The following FSTL1 variants were observed in gnomAD, a reference collection of about 807,000 sequenced individuals.
The protein encoded by FSTL1 is follistatin-related protein 1.
Under a neutral mutation model 45.9 loss-of-function variants are expected in FSTL1, and 24 were observed. The ratio of observed to expected loss-of-function variants is 0.52; its 90% CI spans 0.38 to 0.74. FSTL1 has a LOEUF of 0.74. FSTL1 is among the 30% of genes least tolerant of loss of function. FSTL1 has a pLI of 0.00. For synonymous variants in FSTL1, 120 were observed against 137.6 expected (o/e 0.87, Z 0.89); for missense variants, 340 against 381.8 (o/e 0.89, Z 0.91).
intron 10 of FSTL1, among the ~76,000 whole-genome samples, chr3:120,397,993 A>G (rs1936736515): frequency 6.6e-6 from 1 of 152,214 alleles, no homozygotes; most frequent in Admixed American, 6.5e-5. Flanking sequence ...TAAGTCAAAG[A>G]CAGAAAAGGC....
At chr3:120,446,830 G>C (rs1937753524) in intron 2 of FSTL1, among the ~76,000 whole-genome samples, 1 of 152,154 alleles carries the variant, frequency 6.6e-6, no homozygotes. Flanking sequence ...TGCATGTCTA[G>C]AGCTAAGTGA....
At chr3:120,446,254 ACTTT>A (rs1293086274) in intron 2 of FSTL1, among the ~76,000 whole-genome samples, 2 of 152,106 alleles carry the variant, frequency 1.3e-5, no homozygotes, top group Non-Finnish European at 2.9e-5. Context: ...GACTTCAAAG[ACTTT>A]CTTTTCGTCT....
chr3:120,443,102 A>AT lies in FSTL1; in HGVS notation c.63+7581dup, dbSNP rs1937660357. On this transcript the variant is annotated intron_variant, in intron 2 of 10. Transcript: ENST00000295633. ...AAAACTTAAAGTATAATAATAATAA[A>AT]TTAAAAAAAAAAGTTCCACACAAAA... Among the ~76,000 whole-genome samples the AT allele has an allele frequency of 2.7e-5, 4 of 148,494 alleles. No homozygotes were observed. In the South Asian group the frequency reaches 8.5e-4, roughly 31 times the overall value.
chr3:120,425,548 G>C (rs57919947), intron 2 of FSTL1, among the ~76,000 whole-genome samples: 10,530 of 152,028 alleles, frequency 0.069, 421 homozygotes, highest in East Asian at 0.17. Context: ...GACCTCTCTG[G>C]GCCTCAGTTT....
chr3:120,441,896 G>C (rs1412110442), intron 2 of FSTL1, among the ~76,000 whole-genome samples: 1 of 152,242 alleles, frequency 6.6e-6, no homozygotes, highest in Non-Finnish European at 1.5e-5. Context: ...GTTTTCCCAA[G>C]ATCACATGGC....
chr3:120,397,665 A>G (rs1936729506), intron 10 of FSTL1, among the ~76,000 whole-genome samples: 1 of 152,212 alleles, frequency 6.6e-6, no homozygotes, highest in Admixed American at 6.5e-5. Context: ...GAAGATGTAC[A>G]GTGGTGCAGT....
intron 2 of FSTL1, among the ~76,000 whole-genome samples, chr3:120,440,860 A>C (rs1436560416): frequency 2.0e-5 from 3 of 152,212 alleles, no homozygotes; most frequent in Non-Finnish European, 4.4e-5. Context: ...AGGAAAATAG[A>C]GGAGAAAGAT....
At chr3:120,447,794 G>C (rs541294158) in intron 2 of FSTL1, among the ~76,000 whole-genome samples, 3 of 152,278 alleles carry the variant, frequency 2.0e-5, no homozygotes, top group African/African-American at 7.2e-5. Context: ...GACCAGAGGC[G>C]TGTGTGCTAC....
chr3:120,424,190 AC>A (rs1937334675), intron 2 of FSTL1: 1 of 152,550 alleles, frequency 6.6e-6, no homozygotes, highest in Non-Finnish European at 1.5e-5. Context: ...TCATTCCAGC[AC>A]TTTGGGAGGC....
intron 2 of FSTL1, among the ~76,000 whole-genome samples, chr3:120,438,775 C>A (rs1461076992): frequency 6.6e-6 from 1 of 152,118 alleles, no homozygotes; most frequent in African/African-American, 2.4e-5. Context: ...AGTTATTCAT[C>A]CCAGCCCATC....
rs1936965972 is a variant in FSTL1, at chr3:120,407,320, A to G, written c.462+2212T>C. ...CTGTGGTGCCAGGGTAAAGGAGATAAGAAGGCTGGCTCAAGTGTCAGCCCT... is the reference window on the plus strand; with the variant it reads ...CTGTGGTGCCAGGGTAAAGGAGATAGGAAGGCTGGCTCAAGTGTCAGCCCT... On this transcript the variant is annotated intron_variant, in intron 6 of 10. Transcript: ENST00000295633. 3.3e-5 allele frequency among the ~76,000 whole-genome samples: 5 copies of G among 152,222 alleles called. No homozygotes were observed. The South Asian group carries it at 1.0e-3, about 32-fold the overall frequency.
chr3:120,440,194 C>T (rs1325049609), intron 2 of FSTL1, among the ~76,000 whole-genome samples: 1 of 152,240 alleles, frequency 6.6e-6, no homozygotes, highest in East Asian at 1.9e-4. Context: ...AAATGCTCCA[C>T]TGTAAAAACT....
At position 120,396,100 on chromosome 3, in the gene FSTL1, G is replaced by A; in HGVS notation, c.*852C>T. ...ATGGGCTGCATCTAGTATGTGGCAGGGTGGGGGCATCTGGGTTATTTCAGC... is the reference window on the plus strand; with the variant it reads ...ATGGGCTGCATCTAGTATGTGGCAGAGTGGGGGCATCTGGGTTATTTCAGC... On this transcript the variant is annotated 3_prime_UTR_variant, in exon 11 of 11. Coordinates refer to ENST00000295633, the MANE Select transcript of FSTL1 (RefSeq NM_007085.5). 6.6e-6 allele frequency: 1 copy of A among 151,398 alleles called. No individual in the cohort carries two copies. Among genetic ancestry groups the A allele is most frequent in the Non-Finnish European group, 1.4e-5 (1 of 71,444 alleles). The allele number at this position is 151,398 out of a possible 1,614,324, so 9.4% of individuals were successfully genotyped here.
Position 120,396,902 on chromosome 3 carries a change from G to A in FSTL1, c.*50C>T, listed in dbSNP as rs371864425. 1.0e-5 allele frequency: 14 copies of A among 1,339,536 alleles called. No homozygotes were observed. Among genetic ancestry groups the A allele is most frequent in the African/African-American group, 4.3e-5 (3 of 69,500 alleles). 83.0% of individuals were successfully genotyped at this position (1,339,536 alleles called of 1,614,324 possible). On this transcript the variant is annotated 3_prime_UTR_variant, in exon 11 of 11. Coordinates refer to ENST00000295633, the MANE Select transcript of FSTL1 (RefSeq NM_007085.5). ...GACACTTGTGTATACTGAACTCAGC[G>A]CTGAAGTGGAGAAGATGCTGGGATC...
chr3:120,411,831 G>A, intron 4 of FSTL1, 23 bp downstream of exon 4: 5 of 1,606,144 alleles, frequency 3.1e-6, no homozygotes, highest in Non-Finnish European at 4.3e-6. Context: ...AAGCTGCCTT[G>A]CAGTGGTGAG....
chr3:120,409,235 G>A (rs529625640), intron 6 of FSTL1, among the ~76,000 whole-genome samples: 13 of 152,324 alleles, frequency 8.5e-5, no homozygotes, highest in South Asian at 4.1e-4. Context: ...GTGTCATGGC[G>A]AGTAGGGGAC....
chr3:120,409,238 T>A (rs1453567443), intron 6 of FSTL1, among the ~76,000 whole-genome samples: 1 of 152,028 alleles, frequency 6.6e-6, no homozygotes, highest in Non-Finnish European at 1.5e-5. Flanking sequence ...TCATGGCGAG[T>A]AGGGGACAGA....
In FSTL1 at chr3:120,409,590, G is replaced by A; in HGVS notation, c.404C>T (p.Pro135Leu). 6.2e-7 allele frequency: 1 copy of A among 1,613,784 alleles called. No individual in the cohort carries two copies. Among genetic ancestry groups the A allele is most frequent in the Non-Finnish European group, 8.5e-7 (1 of 1,179,658 alleles). The change falls in exon 6 of 11, where the codon CCA becomes CTA. Residue 135 changes from proline (P) to leucine (L), a missense_variant. Coordinates refer to ENST00000295633, the MANE Select transcript of FSTL1 (RefSeq NM_007085.5). ...IIQWLEAEIIPDGWFSKGSNY... is the reference protein window; with the variant it reads ...IIQWLEAEIILDGWFSKGSNY... ...GCTGCCTTTAGAGAACCAGCCATCT[G>A]GAATGATCTCAGCTTCCAGCCACTG...
At chr3:120,404,759 T>C in intron 7 of FSTL1, 94 bp downstream of exon 7, 1 of 744,376 alleles carries the variant, frequency 1.3e-6, no homozygotes, top group Non-Finnish European at 2.5e-6. Context: ...ATTCTCTCAC[T>C]GGTGGCTCTT....
Sources: allele counts gnomAD v4.1 joint callset (sites outside exome capture counted in the v4.1 genomes callset), GRCh38; gene constraint gnomAD v4.1.1; transcripts MANE v1.5; gene names NCBI Gene and HGNC (gene_info 2026-07-23, HGNC 2026-07-21).